Variants in GPC6 observed in about 807,000 individuals in gnomAD.
GPC6 encodes the protein glypican 6.
In GPC6, 14 loss-of-function variants were observed where a neutral mutation model predicts 55.2. The observed-to-expected ratio is 0.25, with a 90% CI of 0.17 to 0.40. GPC6 has a LOEUF of 0.40. GPC6 is among the 10% of genes least tolerant of loss of function. The pLI is 1.00. For missense variants in GPC6, 641 were observed against 708.5 expected (o/e 0.90, Z 1.08); for synonymous variants, 278 against 259.6 (o/e 1.07, Z -0.68).
intron 4 of GPC6, among the ~76,000 whole-genome samples, chr13:94,139,125 C>T (rs898331053): frequency 1.3e-5 from 2 of 151,272 alleles, no homozygotes; most frequent in Non-Finnish European, 2.9e-5. Flanking sequence ...GGGTGATAGA[C>T]AGGAGATAAG....
intron 2 of GPC6, among the ~76,000 whole-genome samples, chr13:93,808,588 A>G (rs1185022373): frequency 6.6e-6 from 1 of 152,238 alleles, no homozygotes; most frequent in Non-Finnish European, 1.5e-5. Context: ...CAAAAAATAC[A>G]AATGCCAGCC....
At chr13:93,287,384 G>T (rs1878170702) in intron 1 of GPC6, among the ~76,000 whole-genome samples, 1 of 152,178 alleles carries the variant, frequency 6.6e-6, no homozygotes, top group Non-Finnish European at 1.5e-5. Flanking sequence ...GTGAAAAGCT[G>T]GTTCTGGGGT....
chr13:93,449,084 G>A (rs1317660947), intron 1 of GPC6, among the ~76,000 whole-genome samples: 1 of 152,236 alleles, frequency 6.6e-6, no homozygotes, highest in African/African-American at 2.4e-5. Context: ...ATGACTGAGA[G>A]CAGGGATAGA....
intron 6 of GPC6, among the ~76,000 whole-genome samples, chr13:94,311,761 A>G (rs1018913776): frequency 5.3e-5 from 8 of 152,220 alleles, no homozygotes. Flanking sequence ...GAAGAAAGTT[A>G]GGAGGTAAAT....
chr13:93,606,514 C>G (rs1187136233), intron 2 of GPC6, among the ~76,000 whole-genome samples: 1 of 151,992 alleles, frequency 6.6e-6, no homozygotes, highest in Admixed American at 6.6e-5. Context: ...TATGGTTTGC[C>G]CACATCTAGG....
chr13:93,718,246 A>G (rs536642562), intron 2 of GPC6, among the ~76,000 whole-genome samples: 2 of 152,038 alleles, frequency 1.3e-5, no homozygotes, highest in African/African-American at 2.4e-5. Context: ...TATCATTTCT[A>G]TTTCTCCACA....
intron 2 of GPC6, among the ~76,000 whole-genome samples, chr13:93,600,023 C>T (rs960035105): frequency 3.9e-5 from 6 of 152,128 alleles, no homozygotes; most frequent in Non-Finnish European, 8.8e-5. Flanking sequence ...GATTGAACTT[C>T]CAGGGATAGG....
intron 4 of GPC6, among the ~76,000 whole-genome samples, chr13:94,054,164 C>T (rs1315911813): frequency 2.0e-5 from 3 of 152,246 alleles, no homozygotes; most frequent in South Asian, 2.1e-4. Context: ...GACTCTAAAC[C>T]GAGGAAGTAA....
At chr13:93,809,104 T>A (rs980343299) in intron 2 of GPC6, among the ~76,000 whole-genome samples, 4 of 152,248 alleles carry the variant, frequency 2.6e-5, no homozygotes, top group African/African-American at 9.6e-5. Context: ...TTACTTTAGA[T>A]CCTGCGACTC....
intron 1 of GPC6, among the ~76,000 whole-genome samples, chr13:93,234,707 A>C (rs533349902): frequency 1.4e-5 from 2 of 145,576 alleles, no homozygotes; most frequent in Non-Finnish European, 3.0e-5. Flanking sequence ...AGAGAGAGAG[A>C]GTGCAAGAGA....
At chr13:94,122,476 G>A (rs1289993835) in intron 4 of GPC6, among the ~76,000 whole-genome samples, 2 of 152,066 alleles carry the variant, frequency 1.3e-5, no homozygotes, top group South Asian at 2.1e-4. Context: ...TTTGCCCAAA[G>A]TTAGTAATTA....
At chr13:93,950,488 C>T (rs756341255) in intron 3 of GPC6, among the ~76,000 whole-genome samples, 2 of 152,010 alleles carry the variant, frequency 1.3e-5, no homozygotes, top group South Asian at 2.1e-4. Flanking sequence ...TCCTTCTGAC[C>T]GGTATATTCA....
intron 2 of GPC6, among the ~76,000 whole-genome samples, chr13:93,658,746 A>C (rs1025478314): frequency 4.6e-5 from 7 of 151,744 alleles, no homozygotes; most frequent in Non-Finnish European, 8.9e-5. Context: ...CATATTATAA[A>C]ACATACTTAA....
At chr13:93,297,769 G>T (rs908271917) in intron 1 of GPC6, among the ~76,000 whole-genome samples, 2 of 151,452 alleles carry the variant, frequency 1.3e-5, no homozygotes, top group African/African-American at 4.9e-5. Flanking sequence ...TTGTAATTAC[G>T]TATGGTCTTC....
chr13:93,240,392 ATTAT>A lies in GPC6; in HGVS notation c.160+12792_160+12795del, dbSNP rs890348320. On this transcript the variant is annotated intron_variant, in intron 1 of 8. Transcript: ENST00000377047. ...ATATAATGACCTTCTATGTCTTTTT[ATTAT>A]TTATTTATTTATTTACTTTTGTTGA... is the stretch of plus-strand genomic sequence containing the variant. 2.8e-4 allele frequency among the ~76,000 whole-genome samples: 42 copies of A among 151,866 alleles called. No homozygotes were observed. The East Asian group carries it at 4.1e-3, about 15-fold the overall frequency.
chr13:93,323,366 C>T lies in GPC6; in HGVS notation c.160+95750C>T, dbSNP rs151186432. On this transcript the variant is annotated intron_variant, in intron 1 of 8. Transcript: ENST00000377047. ...GAGATATGTGATATATATCAGTTTT[C>T]AGCACTTATCCTACCAATGGCCTCT... 4.1e-3 allele frequency among the ~76,000 whole-genome samples: 617 copies of T among 152,280 alleles called. 5 individuals are homozygous for T. The highest frequency in any genetic ancestry group is 0.014 in the African/African-American group (599 of 41,574).
At chr13:94,288,757 TAATA>T (rs1276161704) in intron 5 of GPC6, among the ~76,000 whole-genome samples, 5 of 131,118 alleles carry the variant, frequency 3.8e-5, no homozygotes, top group African/African-American at 5.7e-5. Flanking sequence ...ATAATATATA[TAATA>T]AATATATATA....
Position 93,493,543 on chromosome 13 carries a change from G to GT in GPC6, c.161-51718dup, listed in dbSNP as rs1880122087. The stretch of plus-strand genomic sequence containing the variant: ...TTCCTTCAGTTCTGCTCTGATCTTG[G>GT]TTATTTCTTGCCTTCTGCTAGCTTT... On this transcript the variant is annotated intron_variant, in intron 1 of 8. Transcript: ENST00000377047. 1.6e-5 allele frequency among the ~76,000 whole-genome samples: 2 copies of GT among 121,560 alleles called. 1 individual carries two copies. Among genetic ancestry groups the GT allele is most frequent in the Non-Finnish European group, 3.5e-5 (2 of 56,778 alleles). The allele number at this position is 121,560 out of a possible 152,430, so 79.7% of individuals were successfully genotyped here.
intron 4 of GPC6, among the ~76,000 whole-genome samples, chr13:94,066,148 C>A (rs903621974): frequency 6.6e-6 from 1 of 152,146 alleles, no homozygotes; most frequent in Non-Finnish European, 1.5e-5. Flanking sequence ...TGAGACACTA[C>A]ATCAAATACT....
Sources: allele counts gnomAD v4.1 joint callset (sites outside exome capture counted in the v4.1 genomes callset), GRCh38; gene constraint gnomAD v4.1.1; transcripts MANE v1.5; gene names NCBI Gene and HGNC (gene_info 2026-07-23, HGNC 2026-07-21).